Variants in PCM1 observed in about 807,000 individuals in gnomAD.
PCM1 encodes the protein pericentriolar material 1 protein.
PCM1 carries 157 observed loss-of-function variants against 241.9 expected under a neutral mutation model. That is an observed-to-expected ratio of 0.65 (90% CI 0.57 to 0.74). The LOEUF is 0.74. Among genes scored for constraint, PCM1 ranks in the 30% least tolerant of loss-of-function variants. The pLI, the probability that PCM1 is intolerant of heterozygous loss-of-function variation, is 0.00. For synonymous variants in PCM1, 1,085 were observed against 784.9 expected (o/e 1.38, Z -6.39); for missense variants, 3,478 against 2,360.1 (o/e 1.47, Z -9.81).
chr8:17,936,153 G>C (rs190739211), intron 3 of PCM1, among the ~76,000 whole-genome samples: 1 of 152,280 alleles, frequency 6.6e-6, no homozygotes, highest in East Asian at 1.9e-4. Context: ...GTGCAGTTAT[G>C]TACTGACTAG....
In PCM1 at chr8:17,952,970, C is replaced by T. The variant is rs760562477; in HGVS notation, c.1072C>T (p.Pro358Ser). Residue 358 changes from proline to serine, a missense_variant and splice_region_variant, in exon 9 of 39, where the codon CCT (proline) becomes TCT (serine). Transcript: ENST00000325083. Reference protein sequence around the residue: ...RFHNQLRDSQPPAVPDNRRQA... With the variant: ...RFHNQLRDSQSPAVPDNRRQA... ...TTTTTTGTTGTTTTTTTTTAATAAGCCTCCAGCTGTTCCAGACAATAGAAG... is the reference window on the plus strand; with the variant it reads ...TTTTTTGTTGTTTTTTTTTAATAAGTCTCCAGCTGTTCCAGACAATAGAAG... 7 of 1,545,406 alleles carry T rather than the reference C, an allele frequency of 4.5e-6. No individual in the cohort carries two copies. Among genetic ancestry groups the T allele is most frequent in the East Asian group, 2.3e-5 (1 of 43,940 alleles).
intron 38 of PCM1, among the ~76,000 whole-genome samples, chr8:18,027,145 G>A (rs1306933837): frequency 6.6e-6 from 1 of 152,164 alleles, no homozygotes; most frequent in Non-Finnish European, 1.5e-5. Flanking sequence ...GAGTTGAGGA[G>A]AAGGAAAGAC....
In PCM1 at chr8:17,957,649, A is replaced by G. The variant is rs750421396; in HGVS notation, c.1914A>G (p.Leu638=). ...AEEEGVSGAS[L]SSHRSSLVDE... is the part of the protein sequence containing the mutation. Reference sequence around the variant, plus strand: ...AGGAGGGAGTCAGTGGAGCTTCATTATCTAGTCACAGGAGCAGTCTGGTTG... The same window carrying G: ...AGGAGGGAGTCAGTGGAGCTTCATTGTCTAGTCACAGGAGCAGTCTGGTTG... Residue 638 remains leucine, a synonymous_variant, in exon 13 of 39, where the codon TTA becomes TTG. Coordinates refer to ENST00000325083, the MANE Select transcript of PCM1 (RefSeq NM_006197.4). 4.4e-6 allele frequency: 7 copies of G among 1,599,154 alleles called. No individual in the cohort carries two copies. The highest frequency in any genetic ancestry group is 1.3e-5 in the African/African-American group (1 of 74,616).
intron 1 of PCM1, among the ~76,000 whole-genome samples, chr8:17,923,882 T>C (rs1433120261): frequency 2.6e-5 from 4 of 152,162 alleles, no homozygotes; most frequent in African/African-American, 7.2e-5. Flanking sequence ...GGGGAAACGT[T>C]GTTTGGTTTA....
At chr8:17,939,227 G>T (rs1460652220) in intron 5 of PCM1, among the ~76,000 whole-genome samples, 1 of 152,150 alleles carries the variant, frequency 6.6e-6, no homozygotes, top group Non-Finnish European at 1.5e-5. Context: ...TTAGTTAAAG[G>T]CTTCTGTTTA....
At chr8:17,980,507 T>A in intron 23 of PCM1, 84 bp from the exon 24 acceptor site, 1 of 1,080,060 alleles carries the variant, frequency 9.3e-7, no homozygotes, top group Non-Finnish European at 1.3e-6. Context: ...TTGAGTTACC[T>A]GTACTGTTAC....
chr8:17,985,708 C>A, intron 25 of PCM1, 89 bp downstream of exon 25: 2 of 1,037,440 alleles, frequency 1.9e-6, no homozygotes, highest in Non-Finnish European at 2.8e-6. Flanking sequence ...AAGCATGTGC[C>A]ATATGAATTT....
intron 27 of PCM1, among the ~76,000 whole-genome samples, chr8:17,990,632 T>C (rs35256609): frequency 0.47 from 71,682 of 151,844 alleles, 18,944 homozygotes; most frequent in Non-Finnish European, 0.62. Context: ...GATACGTTTC[T>C]AGACTGTGGC....
chr8:17,992,073 A>G (rs984314329), intron 28 of PCM1, among the ~76,000 whole-genome samples: 8 of 151,574 alleles, frequency 5.3e-5, no homozygotes, highest in African/African-American at 1.9e-4. Flanking sequence ...GTGGTGTATA[A>G]ATAAATAAAC....
At chr8:18,001,744 A>G (rs1186746780) in intron 29 of PCM1, among the ~76,000 whole-genome samples, 2 of 152,110 alleles carry the variant, frequency 1.3e-5, no homozygotes, top group African/African-American at 4.8e-5. Flanking sequence ...AATTGCTTCC[A>G]TTGTGCTCAT....
chr8:18,014,911 G>A lies in PCM1; in HGVS notation c.5841+71G>A, dbSNP rs1588555003. On this transcript the variant is annotated intron_variant, in intron 36 of 38. Coordinates refer to ENST00000325083, the MANE Select transcript of PCM1 (RefSeq NM_006197.4). ...TGCATATTTCTTCATTTTCAGATTAGCATTCTCCACATGTAAACCATTTTG... is the reference window on the plus strand; with the variant it reads ...TGCATATTTCTTCATTTTCAGATTAACATTCTCCACATGTAAACCATTTTG... The A allele has an allele frequency of 1.0e-5, 14 of 1,342,280 alleles. No homozygotes were observed. In the East Asian group the frequency reaches 3.5e-4, roughly 34 times the overall value. 83.1% of individuals were successfully genotyped at this position (1,342,280 alleles called of 1,614,324 possible).
intron 2 of PCM1, among the ~76,000 whole-genome samples, chr8:17,931,933 AAAG>A (rs2059154715): frequency 6.6e-6 from 1 of 152,198 alleles, no homozygotes; most frequent in Admixed American, 6.5e-5. Context: ...AGACAGAAAA[AAAG>A]AAGAAAAATC....
At chr8:17,957,942 A>G (rs1007588139) in intron 13 of PCM1, among the ~76,000 whole-genome samples, 167 bp downstream of exon 13, 2 of 152,208 alleles carry the variant, frequency 1.3e-5, no homozygotes, top group African/African-American at 2.4e-5. Flanking sequence ...GAGGTCAGCA[A>G]CCTTTTTAAA....
intron 21 of PCM1, among the ~76,000 whole-genome samples, chr8:17,968,958 C>G (rs952543766): frequency 1.3e-5 from 2 of 151,748 alleles, no homozygotes; most frequent in African/African-American, 2.4e-5. Flanking sequence ...ATACCCACAC[C>G]AACTCTATAT....
chr8:17,994,303 G>C (rs781302364), intron 29 of PCM1, among the ~76,000 whole-genome samples: 1 of 152,094 alleles, frequency 6.6e-6, no homozygotes, highest in Non-Finnish European at 1.5e-5. Context: ...TCTGTGCCTG[G>C]CTAACTTCAC....
intron 30 of PCM1, among the ~76,000 whole-genome samples, chr8:18,006,827 G>T (rs1186729121): frequency 6.6e-6 from 1 of 152,178 alleles, no homozygotes; most frequent in Non-Finnish European, 1.5e-5. Context: ...ATTATAGTAA[G>T]TCAGTAACTG....
intron 29 of PCM1, among the ~76,000 whole-genome samples, chr8:17,994,563 C>T (rs2085905456): frequency 6.6e-6 from 1 of 152,182 alleles, no homozygotes; most frequent in Non-Finnish European, 1.5e-5. Context: ...AGTGGGATTG[C>T]TGGATCATAT....
chr8:17,993,510 C>T lies in PCM1; in HGVS notation c.4718C>T (p.Ser1573Leu), dbSNP rs2085524564. The T allele has an allele frequency of 1.3e-6, 2 of 1,577,952 alleles. No homozygotes were observed. Among genetic ancestry groups the T allele is most frequent in the Non-Finnish European group, 1.7e-6 (2 of 1,162,922 alleles). The part of the protein sequence containing the change: ...EETPVIENRS[S>L]QQPVSEVSTI... ...ACTCCCGTTATTGAAAATCGTAGTT[C>T]ACAACAACCTGTAAGTGAAGTTTCT... The change falls in exon 29 of 39, where the codon TCA (serine) becomes TTA (leucine). Residue 1573 changes from serine (S) to leucine (L), a missense_variant. Physicochemically the swap from Ser to Leu is moderately radical, Grantham distance 145 (BLOSUM62 -2). Coordinates refer to ENST00000325083, the MANE Select transcript of PCM1 (RefSeq NM_006197.4).
At chr8:17,982,358 A>T (rs2081146952) in intron 24 of PCM1, among the ~76,000 whole-genome samples, 1 of 152,206 alleles carries the variant, frequency 6.6e-6, no homozygotes, top group South Asian at 2.1e-4. Context: ...TCAATTACTT[A>T]AATAATAATT....
Sources: gnomAD v4.1 joint callset for allele counts (sites outside exome capture counted in the v4.1 genomes callset) on GRCh38, gnomAD v4.1.1 for gene constraint, MANE v1.5 for transcripts, NCBI Gene and HGNC (gene_info 2026-07-23, HGNC 2026-07-21) for gene names.